The following TMEM132B variants were observed in gnomAD, a reference collection of about 807,000 sequenced individuals.
The protein encoded by TMEM132B is transmembrane protein 132B.
Under a neutral mutation model 90.8 loss-of-function variants are expected in TMEM132B, and 18 were observed. The ratio of observed to expected loss-of-function variants is 0.20; its 90% CI spans 0.14 to 0.29. TMEM132B has a LOEUF of 0.29. Among genes scored for constraint, TMEM132B ranks in the 10% least tolerant of loss-of-function variants. TMEM132B has a pLI of 1.00. For missense variants in TMEM132B, 1,096 were observed against 1,326.8 expected (o/e 0.83, Z 2.70); for synonymous variants, 504 against 523.3 (o/e 0.96, Z 0.50).
intron 4 of TMEM132B, among the ~76,000 whole-genome samples, chr12:125,539,006 C>T (rs1883885990): frequency 1.3e-5 from 2 of 152,208 alleles, no homozygotes; most frequent in South Asian, 4.1e-4. Flanking sequence ...CATCTCCTGC[C>T]AGACCGCCTG....
chr12:125,364,552 G>A (rs1201222293), intron 2 of TMEM132B, among the ~76,000 whole-genome samples: 1 of 152,046 alleles, frequency 6.6e-6, no homozygotes, highest in Non-Finnish European at 1.5e-5. Context: ...ATATTTATGT[G>A]ATTTTGACTG....
chr12:125,280,224 A>G (rs1331852903), intron 1 of TMEM132B, among the ~76,000 whole-genome samples: 2 of 152,210 alleles, frequency 1.3e-5, no homozygotes, highest in Non-Finnish European at 2.9e-5. Flanking sequence ...AATAAGGAGG[A>G]TATTAAATGT....
intron 4 of TMEM132B, among the ~76,000 whole-genome samples, chr12:125,531,986 C>G (rs1462971237): frequency 6.6e-6 from 1 of 152,232 alleles, no homozygotes; most frequent in African/African-American, 2.4e-5. Context: ...TAGTAAACCC[C>G]TTGCCACAGT....
chr12:125,224,808 A>G (rs957862831), intron 1 of TMEM132B, among the ~76,000 whole-genome samples: 3 of 152,232 alleles, frequency 2.0e-5, no homozygotes, highest in Non-Finnish European at 2.9e-5. Flanking sequence ...AGGCAGATAC[A>G]TGGTAAAACT....
chr12:125,526,830 T>G (rs2136680238), intron 4 of TMEM132B, among the ~76,000 whole-genome samples: 1 of 152,024 alleles, frequency 6.6e-6, no homozygotes, highest in East Asian at 1.9e-4. Flanking sequence ...TGCTCACTCA[T>G]TCATTCTTCC....
intron 4 of TMEM132B, among the ~76,000 whole-genome samples, chr12:125,547,113 G>A (rs1884110732): frequency 6.6e-6 from 1 of 152,166 alleles, no homozygotes. Context: ...CATGACACTT[G>A]GGGATTATGG....
At chr12:125,352,504 G>A (rs1907621) in intron 2 of TMEM132B, among the ~76,000 whole-genome samples, 5,662 of 152,270 alleles carry the variant, frequency 0.037, 364 homozygotes, top group African/African-American at 0.13. Context: ...GTCACTTATC[G>A]TCTCTGGACC....
intron 3 of TMEM132B, among the ~76,000 whole-genome samples, chr12:125,487,042 G>T (rs1277696239): frequency 6.6e-6 from 1 of 152,148 alleles, no homozygotes; most frequent in Non-Finnish European, 1.5e-5. Flanking sequence ...GACTGTGGAA[G>T]CTCTCATCTG....
intron 3 of TMEM132B, among the ~76,000 whole-genome samples, chr12:125,436,259 G>T (rs1880696622): frequency 6.6e-6 from 1 of 152,106 alleles, no homozygotes; most frequent in South Asian, 2.1e-4. Context: ...CAGGTGTCTT[G>T]GGATGGCCAA....
intron 4 of TMEM132B, among the ~76,000 whole-genome samples, chr12:125,581,275 C>T (rs951550484): frequency 6.6e-6 from 1 of 152,128 alleles, no homozygotes; most frequent in African/African-American, 2.4e-5. Flanking sequence ...TGTTACTTGT[C>T]CTCATGTGTT....
intron 3 of TMEM132B, among the ~76,000 whole-genome samples, chr12:125,477,755 G>A (rs1040498416): frequency 6.6e-6 from 1 of 152,202 alleles, no homozygotes; most frequent in African/African-American, 2.4e-5. Context: ...CCAGCACTGT[G>A]TTTGAGCTCT....
intron 3 of TMEM132B, among the ~76,000 whole-genome samples, chr12:125,432,286 C>G (rs1264177707): frequency 6.8e-6 from 1 of 147,950 alleles, no homozygotes; most frequent in East Asian, 2.0e-4. Flanking sequence ...ACTGTAATCA[C>G]ACAAGCTTGG....
chr12:125,539,132 G>A (rs1330712357), intron 4 of TMEM132B, among the ~76,000 whole-genome samples: 3 of 152,200 alleles, frequency 2.0e-5, no homozygotes, highest in African/African-American at 7.2e-5. Context: ...GTCCCCTGAT[G>A]AAAATCTCTG....
At chr12:125,652,307 C>A (rs1182970693) in intron 7 of TMEM132B, 134 bp from the exon 8 acceptor site, 2 of 746,390 alleles carry the variant, frequency 2.7e-6, no homozygotes, top group South Asian at 4.5e-5. Flanking sequence ...CGGCATAATA[C>A]TTCCCTAACC....
intron 1 of TMEM132B, among the ~76,000 whole-genome samples, chr12:125,188,491 C>G (rs1957772930): frequency 6.6e-6 from 1 of 152,160 alleles, no homozygotes; most frequent in Admixed American, 6.5e-5. Flanking sequence ...CTCAGAGAAG[C>G]TGCCTGCATA....
At chr12:125,252,745 G>C (rs1436355619) in intron 1 of TMEM132B, among the ~76,000 whole-genome samples, 1 of 152,136 alleles carries the variant, frequency 6.6e-6, no homozygotes, top group Non-Finnish European at 1.5e-5. Context: ...AAGGATGACT[G>C]TCTCCCCTGA....
intron 5 of TMEM132B, among the ~76,000 whole-genome samples, chr12:125,593,020 TC>T (rs1440896522): frequency 6.6e-6 from 1 of 152,254 alleles, no homozygotes; most frequent in East Asian, 1.9e-4. Flanking sequence ...TAAGGCTATT[TC>T]TTTCCCCTTT....
At chr12:125,340,402 C>G (rs149707930) in intron 1 of TMEM132B, among the ~76,000 whole-genome samples, 108 of 152,036 alleles carry the variant, frequency 7.1e-4, no homozygotes, top group African/African-American at 2.4e-3. Context: ...CAGATAGATT[C>G]AAGAATTAAG....
chr12:125,590,229 G>A (rs10846928), intron 5 of TMEM132B, among the ~76,000 whole-genome samples: 92,779 of 151,888 alleles, frequency 0.61, 29,466 homozygotes, highest in Middle Eastern at 0.76. Flanking sequence ...TTTCCTTATT[G>A]CAATGCAAGA....
Sources: gnomAD v4.1 joint callset for allele counts (sites outside exome capture counted in the v4.1 genomes callset) on GRCh38, gnomAD v4.1.1 for gene constraint, MANE v1.5 for transcripts, NCBI Gene and HGNC (gene_info 2026-07-23, HGNC 2026-07-21) for gene names.